FAT3: variants seen among roughly 807,000 people sequenced by gnomAD.
The protein encoded by FAT3 is protocadherin Fat 3.
FAT3 carries 95 observed loss-of-function variants against 310.2 expected under a neutral mutation model. The observed-to-expected ratio is 0.31, with a 90% CI of 0.26 to 0.36. FAT3 has a LOEUF of 0.36. Ranked by LOEUF, FAT3 falls within the 10% of genes least tolerant of loss-of-function variation. The pLI, the probability that FAT3 is intolerant of heterozygous loss-of-function variation, is 1.00. For synonymous variants in FAT3, 2,314 were observed against 2,192.9 expected (o/e 1.06, Z -1.54); for missense variants, 5,408 against 5,715.6 (o/e 0.95, Z 1.74).
At position 92,859,202 on chromosome 11, in the gene FAT3, C is replaced by CAA; in HGVS notation, c.11540_11541dup (p.Tyr3848AsnfsTer15). ...TCAGCTTTGCTGGAAACAGTTACAT[C>CAA]AAATATCGGCTTTCTGAAAATAGCA... On this transcript the variant is annotated frameshift_variant, in exon 21 of 28. Transcript: ENST00000525166. LOFTEE classifies it high-confidence loss of function. 1 of 1,613,802 alleles carries CAA rather than the reference C, an allele frequency of 6.2e-7. No individual in the cohort carries two copies. The highest frequency in any genetic ancestry group is 8.5e-7 in the Non-Finnish European group (1 of 1,179,852).
In FAT3 at chr11:92,523,468, A is replaced by T. The variant is rs140798060; in HGVS notation, c.3293-1166A>T. ...AGGAAATTTTGAGTATTCCAGCCTA[A>T]CTGTTTCTGGACAGATGCCCTCCTC... On this transcript the variant is annotated intron_variant, in intron 2 of 27. Coordinates refer to ENST00000525166, the MANE Select transcript of FAT3 (RefSeq NM_001367949.2). 1.7e-3 allele frequency among the ~76,000 whole-genome samples: 255 copies of T among 152,192 alleles called. 1 individual carries two copies. The highest frequency in any genetic ancestry group is 5.9e-3 in the African/African-American group (245 of 41,532).
intron 4 of FAT3, among the ~76,000 whole-genome samples, chr11:92,725,302 C>T (rs1944967680): frequency 1.3e-5 from 2 of 152,148 alleles, no homozygotes; most frequent in African/African-American, 4.8e-5. Flanking sequence ...GCTCCACTGA[C>T]ATCTGACATG....
intron 4 of FAT3, among the ~76,000 whole-genome samples, chr11:92,735,950 A>G (rs1178249404): frequency 2.6e-5 from 4 of 152,160 alleles, no homozygotes; most frequent in African/African-American, 4.8e-5. Context: ...ACAAATATGG[A>G]TATTGAGACA....
chr11:92,775,833 C>T (rs1455575516), intron 7 of FAT3, among the ~76,000 whole-genome samples: 20 of 152,092 alleles, frequency 1.3e-4, no homozygotes, highest in Admixed American at 1.2e-3. Context: ...AAAATTGCCC[C>T]ATTTGGGATG....
At chr11:92,409,119 A>G (rs2134907182) in intron 2 of FAT3, among the ~76,000 whole-genome samples, 1 of 152,288 alleles carries the variant, frequency 6.6e-6, no homozygotes, top group African/African-American at 2.4e-5. Flanking sequence ...TTCTCGTGAT[A>G]TTTAAAATTA....
chr11:92,815,249 A>G (rs1947792344), intron 13 of FAT3, among the ~76,000 whole-genome samples: 1 of 152,120 alleles, frequency 6.6e-6, no homozygotes, highest in Non-Finnish European at 1.5e-5. Flanking sequence ...ATAAGGGCCA[A>G]AATGAGAGTG....
intron 3 of FAT3, among the ~76,000 whole-genome samples, chr11:92,693,760 A>G (rs914979241): frequency 1.3e-5 from 2 of 152,206 alleles, no homozygotes; most frequent in Non-Finnish European, 2.9e-5. Context: ...TATTTTATCA[A>G]GATTTTGATA....
Position 92,844,443 on chromosome 11 carries a change from C to G in FAT3, c.11076C>G (p.Pro3692=). 1.2e-6 allele frequency: 2 copies of G among 1,613,962 alleles called. No homozygotes were observed. Among genetic ancestry groups the G allele is most frequent in the South Asian group, 2.2e-5 (2 of 91,070 alleles). The part of the protein sequence containing the change: ...QDSLRIISIQ[P]VAGTNQLDML... ...GCCTGCGCATCATCAGCATCCAGCC[C>G]GTGGCAGGCACCAACCAACTGGACA... is the stretch of plus-strand genomic sequence containing the variant. The change falls in exon 19 of 28, where the codon CCC becomes CCG. Residue 3692 remains proline (P), a synonymous_variant. Transcript: ENST00000525166.
At chr11:92,466,796 T>C (rs1257571060) in intron 2 of FAT3, among the ~76,000 whole-genome samples, 1 of 140,270 alleles carries the variant, frequency 7.1e-6, no homozygotes, top group Non-Finnish European at 1.5e-5. Context: ...TGTGTTCTCA[T>C]TGTTCAATTC....
intron 1 of FAT3, among the ~76,000 whole-genome samples, chr11:92,260,584 G>A (rs551130161): frequency 5.3e-5 from 8 of 152,078 alleles, no homozygotes; most frequent in Admixed American, 2.0e-4. Context: ...GTGTAACAAG[G>A]CTTCATCCAG....
At chr11:92,646,727 A>G (rs1359436195) in intron 3 of FAT3, among the ~76,000 whole-genome samples, 1 of 152,208 alleles carries the variant, frequency 6.6e-6, no homozygotes, top group Non-Finnish European at 1.5e-5. Flanking sequence ...TCATGAAGGT[A>G]CTGGAGAAGA....
intron 1 of FAT3, among the ~76,000 whole-genome samples, chr11:92,277,621 G>A (rs368018243): frequency 1.2e-4 from 18 of 152,138 alleles, no homozygotes; most frequent in African/African-American, 3.6e-4. Flanking sequence ...AACCAAATAC[G>A]GAATGTTCCC....
chr11:92,307,869 T>C (rs1344324585), intron 1 of FAT3, among the ~76,000 whole-genome samples: 3 of 152,226 alleles, frequency 2.0e-5, no homozygotes, highest in African/African-American at 7.2e-5. Flanking sequence ...TTTAACTCTT[T>C]ATAACCTTTA....
chr11:92,843,244 C>T (rs933690536), intron 18 of FAT3, among the ~76,000 whole-genome samples: 2 of 152,154 alleles, frequency 1.3e-5, no homozygotes, highest in African/African-American at 4.8e-5. Context: ...TCCACATCTT[C>T]AGATACCTGC....
chr11:92,539,354 A>C (rs186781360), intron 3 of FAT3, among the ~76,000 whole-genome samples: 211 of 152,312 alleles, frequency 1.4e-3, no homozygotes, highest in Middle Eastern at 6.8e-3. Context: ...TTTATACTTA[A>C]TCAAATATAG....
intron 3 of FAT3, among the ~76,000 whole-genome samples, chr11:92,532,133 T>C (rs1404172392): frequency 2.6e-5 from 4 of 152,130 alleles, no homozygotes; most frequent in African/African-American, 4.8e-5. Flanking sequence ...ATAACTATTA[T>C]ATGTAATACG....
intron 19 of FAT3, among the ~76,000 whole-genome samples, chr11:92,845,482 G>T (rs1012507463): frequency 8.5e-5 from 13 of 152,220 alleles, no homozygotes; most frequent in South Asian, 2.1e-4. Flanking sequence ...TCAAGGGATG[G>T]ATTCAGCCCT....
intron 1 of FAT3, among the ~76,000 whole-genome samples, chr11:92,297,590 C>T (rs981930708): frequency 6.6e-6 from 1 of 152,100 alleles, no homozygotes; most frequent in South Asian, 2.1e-4. Flanking sequence ...CCAGACAAAA[C>T]TCATGACCAA....
rs752784831 is a variant in FAT3 at position 92,844,184 on chromosome 11, T to C, written c.10817T>C (p.Ile3606Thr). Reference sequence around the variant, plus strand: ...GTGAACAGTCACGATGGGAAAATCATCGCCCTGGGAGGCCTGGACAGCGGC... The same window carrying C: ...GTGAACAGTCACGATGGGAAAATCACCGCCCTGGGAGGCCTGGACAGCGGC... Reference protein sequence around the residue: ...FKVNSHDGKIIALGGLDSGKY... With the variant: ...FKVNSHDGKITALGGLDSGKY... The change falls in exon 19 of 28, where the codon ATC becomes ACC. Residue 3606 changes from isoleucine to threonine, a missense_variant. Physicochemically the swap from Ile to Thr is moderately conservative, Grantham distance 89. Coordinates refer to ENST00000525166, the MANE Select transcript of FAT3 (RefSeq NM_001367949.2). 7.4e-6 allele frequency: 12 copies of C among 1,614,030 alleles called. No homozygotes were observed. The highest frequency in any genetic ancestry group is 3.3e-5 in the Admixed American group (2 of 60,026).
Sources: allele counts gnomAD v4.1 joint callset (sites outside exome capture counted in the v4.1 genomes callset), GRCh38; gene constraint gnomAD v4.1.1; transcripts MANE v1.5; gene names NCBI Gene and HGNC (gene_info 2026-07-23, HGNC 2026-07-21).